Variants in ZNF24 observed in about 807,000 individuals in gnomAD.
ZNF24 encodes zinc finger protein 24.
ZNF24 carries 11 observed loss-of-function variants against 40.9 expected under a neutral mutation model. The ratio of observed to expected loss-of-function variants is 0.27; its 90% CI spans 0.17 to 0.45. The LOEUF (loss-of-function observed/expected upper bound fraction) is 0.45, where lower values mean the gene tolerates loss of function less well. Ranked by LOEUF, ZNF24 falls within the 20% of genes least tolerant of loss-of-function variation. The pLI, the probability that ZNF24 is intolerant of heterozygous loss-of-function variation, is 1.00. For missense variants in ZNF24, 293 were observed against 437.7 expected (o/e 0.67, Z 2.95); for synonymous variants, 139 against 154.7 (o/e 0.90, Z 0.75).
intron 1 of ZNF24, among the ~76,000 whole-genome samples, chr18:35,342,165 T>C (rs981264550): frequency 2.0e-5 from 3 of 151,462 alleles, no homozygotes; most frequent in Non-Finnish European, 4.4e-5. Flanking sequence ...CACTGCACTC[T>C]AGCCTGGCGA....
rs1300765365 is a variant in ZNF24 at position 35,335,014 on chromosome 18, A to ATT, written c.*2216_*2217dup. The ATT allele has an allele frequency of 2.0e-5, 3 of 152,220 alleles. No homozygotes were observed. 9.4% of individuals were successfully genotyped at this position (152,220 alleles called of 1,614,324 possible). On this transcript the variant is annotated 3_prime_UTR_variant, in exon 4 of 4. Coordinates refer to ENST00000261332, the MANE Select transcript of ZNF24 (RefSeq NM_006965.4). ...ACTCACATTACCAAATATCTTTGGC[A>ATT]TTTATGACAAATCTACCACAGGGAA... is the stretch of plus-strand genomic sequence containing the variant.
At chr18:35,338,427 G>GA (rs1356889425) in intron 3 of ZNF24, 1 of 985,236 alleles carries the variant, frequency 1.0e-6, no homozygotes, top group African/African-American at 1.7e-5. Context: ...ATGGTACTTA[G>GA]AAAAATCGTT....
chr18:35,338,782 T>C (rs577157469), intron 3 of ZNF24: 2 of 1,285,462 alleles, frequency 1.6e-6, no homozygotes, highest in African/African-American at 3.0e-5. Flanking sequence ...AATTCCCAAG[T>C]GTGGAAGAGA....
chr18:35,337,637 G>T lies in ZNF24; in HGVS notation c.702C>A (p.Phe234Leu), dbSNP rs1344890679. 1.2e-6 allele frequency: 2 copies of T among 1,614,052 alleles called. No individual in the cohort carries two copies. Among genetic ancestry groups the T allele is most frequent in the Non-Finnish European group, 1.7e-6 (2 of 1,180,000 alleles). Residue 234 changes from phenylalanine (F) to leucine (L), a missense_variant, in exon 4 of 4, where the codon TTC (phenylalanine) becomes TTA (leucine). This residue lies in a region of ZNF24 where 234 missense variants were observed against 299.2 expected (regional missense o/e 0.78). Coordinates refer to ENST00000261332, the MANE Select transcript of ZNF24 (RefSeq NM_006965.4). ...TCTTTCTTTCAAACCTGCCCTTGGG[G>T]AAACAGGTTTCTCCATATTTAAAAA... ...PQIFKYGETC[F>L]PKGRFERKRN...
Position 35,337,451 on chromosome 18 carries a change from T to C in ZNF24, c.888A>G (p.Gln296=). 6.2e-7 allele frequency: 1 copy of C among 1,613,638 alleles called. No individual in the cohort carries two copies. Residue 296 remains glutamine, a synonymous_variant, in exon 4 of 4, where the codon CAA becomes CAG. Transcript: ENST00000261332. ...TTTCTCCAGTGTGGACTCTCTGGTGTTGCACAAGAATGGAACTTCGGCTGA... is the reference window on the plus strand; with the variant it reads ...TTTCTCCAGTGTGGACTCTCTGGTGCTGCACAAGAATGGAACTTCGGCTGA... ...KAFSRSSILV[Q]HQRVHTGEKP...
rs766023401 is a variant in ZNF24 at position 35,340,020 on chromosome 18, A to C, written c.421-44T>G. On this transcript the variant is annotated intron_variant, in intron 2 of 3. Coordinates refer to ENST00000261332, the MANE Select transcript of ZNF24 (RefSeq NM_006965.4). The surrounding 1 kb of genome is among the most constrained non-coding windows in gnomAD (Gnocchi z 4.6). ...GATTCAGAGAAGGAACTGTAATGAG[A>C]ATCAGAACTAAAAACACGTAAGAGA... 15 of 1,580,714 alleles carry C rather than the reference A, an allele frequency of 9.5e-6. No homozygotes were observed. Among genetic ancestry groups the C allele is most frequent in the Non-Finnish European group, 1.3e-5 (15 of 1,157,758 alleles).
At chr18:35,343,438 C>T (rs1319127003) in intron 1 of ZNF24, among the ~76,000 whole-genome samples, 2 of 152,156 alleles carry the variant, frequency 1.3e-5, no homozygotes, top group East Asian at 3.9e-4. Flanking sequence ...CACGATCATG[C>T]CCGTGCTGTT....
At chr18:35,339,103 T>C (rs1367513589) in intron 3 of ZNF24, 11 of 1,488,852 alleles carry the variant, frequency 7.4e-6, no homozygotes, top group African/African-American at 2.8e-5. Context: ...AATTTCATTT[T>C]AGTTCACATA....
At chr18:35,339,509 G>C (rs1315045257) in intron 3 of ZNF24, among the ~76,000 whole-genome samples, 2 of 152,200 alleles carry the variant, frequency 1.3e-5, no homozygotes, top group Non-Finnish European at 2.9e-5. Context: ...GTAAAAGGAT[G>C]TAAAACAGAT....
At chr18:35,343,743 C>A (rs1031959713) in intron 1 of ZNF24, 7 of 152,298 alleles carry the variant, frequency 4.6e-5, no homozygotes, top group Admixed American at 4.6e-4. Flanking sequence ...GTAGAGCATA[C>A]CGCTTGTGGG....
In ZNF24 at chr18:35,337,298, G is replaced by A. The variant is rs1458581836; in HGVS notation, c.1041C>T (p.Ser347=). Residue 347 remains serine, a synonymous_variant, in exon 4 of 4, where the codon AGC becomes AGT. Coordinates refer to ENST00000261332, the MANE Select transcript of ZNF24 (RefSeq NM_006965.4). ...TTCTCTGATGTCTAAAAAGATTTGA[G>A]CTTTGACTATACGATTTCCCACACT... ...CVQCGKSYSQ[S]SNLFRHQRRH... The A allele has an allele frequency of 1.9e-6, 3 of 1,597,582 alleles. No homozygotes were observed. The highest frequency in any genetic ancestry group is 1.7e-4 in the Middle Eastern group (1 of 5,982).
rs1311147210 is a variant in ZNF24 at position 35,337,242 on chromosome 18, A to C, written c.1097T>G (p.Val366Gly). 7.0e-7 allele frequency: 1 copy of C among 1,421,102 alleles called. No homozygotes were observed. The allele number at this position is 1,421,102 out of a possible 1,614,324, so 88.0% of individuals were successfully genotyped here. A position where few individuals can be genotyped will look rare whatever the true frequency, so the allele number is the denominator to read the frequency against. Residue 366 changes from valine (V) to glycine (G), a missense_variant, in exon 4 of 4, where the codon GTG becomes GGG. Val to Gly is a moderately radical substitution (Grantham distance 109). Transcript: ENST00000261332. ...TTTTTTTTCAATTTCTTAAACTTTC[A>C]CAACATTCAGAAGTTTTTCTGCATT... ...RHNAEKLLNV[V>G]KV
At chr18:35,342,723 C>T (rs1312204703) in intron 1 of ZNF24, 1 of 152,140 alleles carries the variant, frequency 6.6e-6, no homozygotes, top group Admixed American at 6.5e-5. Context: ...GTAGGCTACG[C>T]CATTTAGGTT....
In ZNF24 at chr18:35,336,131, GAAGA is replaced by G. The variant is rs1464423246; in HGVS notation, c.*1097_*1100del. 1 of 152,624 alleles carries G rather than the reference GAAGA, an allele frequency of 6.6e-6. No individual in the cohort carries two copies. The highest frequency in any genetic ancestry group is 6.5e-5 in the Admixed American group (1 of 15,276). 9.5% of individuals were successfully genotyped at this position (152,624 alleles called of 1,614,324 possible). On this transcript the variant is annotated 3_prime_UTR_variant, in exon 4 of 4. Transcript: ENST00000261332. ...CAGCAAACCCCTATGATTTACAGTG[GAAGA>G]AATACCTACCTACTTATGGTAGGAT...
chr18:35,337,969 T>A, intron 3 of ZNF24, 199 bp from the exon 4 acceptor site: 1 of 496,442 alleles, frequency 2.0e-6, no homozygotes, highest in Non-Finnish European at 3.2e-6. Flanking sequence ...ATAAGGGATA[T>A]CTGAATAAAA....
At chr18:35,339,144 A>G in intron 3 of ZNF24, 1 of 1,098,638 alleles carries the variant, frequency 9.1e-7, no homozygotes, top group South Asian at 1.3e-5. Flanking sequence ...CAGTTTTAGG[A>G]ATATACTGGG....
At position 35,340,088 on chromosome 18, in the gene ZNF24, G is replaced by A. The variant is rs1037362398; in HGVS notation, c.421-112C>T. On this transcript the variant is annotated intron_variant, in intron 2 of 3. Transcript: ENST00000261332. This position sits in a 1 kb window ranked among gnomAD's most constrained non-coding sequence, Gnocchi z 4.6. ...ACTGCAGAAGCCTAGATGGCAAAGC[G>A]GCACAGATAACAAGGAGTGGTAGGG... 1.2e-5 allele frequency: 18 copies of A among 1,486,974 alleles called. No individual in the cohort carries two copies. Among genetic ancestry groups the A allele is most frequent in the Non-Finnish European group, 1.6e-5 (17 of 1,094,040 alleles). The allele number at this position is 1,486,974 out of a possible 1,614,324, so 92.1% of individuals were successfully genotyped here. A position where few individuals can be genotyped will look rare whatever the true frequency, so the allele number is the denominator to read the frequency against.
chr18:35,342,106 G>A (rs898807564), intron 1 of ZNF24, among the ~76,000 whole-genome samples: 5 of 151,994 alleles, frequency 3.3e-5, no homozygotes, highest in Non-Finnish European at 7.4e-5. Context: ...TGAGGCAGGA[G>A]AATCTCTTGA....
At position 35,337,224 on chromosome 18, in the gene ZNF24, T is replaced by TC; in HGVS notation, c.*7dup. Reference sequence around the variant, plus strand: ...CTGAGTGCTGATTCTTTTTTTTTTTTCAATTTCTTAAACTTTCACAACATT... The same window carrying TC: ...CTGAGTGCTGATTCTTTTTTTTTTTTCCAATTTCTTAAACTTTCACAACATT... On this transcript the variant is annotated 3_prime_UTR_variant, in exon 4 of 4. Coordinates refer to ENST00000261332, the MANE Select transcript of ZNF24 (RefSeq NM_006965.4). The TC allele has an allele frequency of 7.0e-7, 1 of 1,427,168 alleles. No individual in the cohort carries two copies. The highest frequency in any genetic ancestry group is 9.2e-7 in the Non-Finnish European group (1 of 1,082,688). The allele number at this position is 1,427,168 out of a possible 1,614,324, so 88.4% of individuals were successfully genotyped here.
Sources: allele counts gnomAD v4.1 joint callset (sites outside exome capture counted in the v4.1 genomes callset), GRCh38; gene constraint gnomAD v4.1.1; regional missense constraint gnomAD v4.1.1; non-coding constraint Gnocchi (gnomAD v3.1); transcripts MANE v1.5; gene names NCBI Gene and HGNC (gene_info 2026-07-23, HGNC 2026-07-21).